CRB1: variants seen among roughly 807,000 people sequenced by gnomAD.
CRB1 encodes the protein protein crumbs homolog 1.
A neutral mutation model predicts 120.0 loss-of-function variants in CRB1; 83 were observed. That is an observed-to-expected ratio of 0.69 (90% confidence interval 0.58 to 0.83). The LOEUF is 0.83. CRB1 is among the 40% of genes least tolerant of loss of function. The probability of loss-of-function intolerance (pLI) is 0.00; values close to 1 mark genes in which losing one functional copy is unlikely to be tolerated. For missense variants in CRB1, 1,699 were observed against 1,687.6 expected (o/e 1.01, Z -0.12); for synonymous variants, 625 against 612.5 (o/e 1.02, Z -0.30).
chr1:197,355,376 A>G (rs936753769), intron 4 of CRB1, among the ~76,000 whole-genome samples: 17 of 152,202 alleles, frequency 1.1e-4, no homozygotes, highest in Non-Finnish European at 2.4e-4. Flanking sequence ...GCTGCCCGCC[A>G]GTCCCGCGCA....
At chr1:197,425,351 A>AAT (rs1309293904) in intron 6 of CRB1, among the ~76,000 whole-genome samples, 1 of 152,200 alleles carries the variant, frequency 6.6e-6, no homozygotes, top group Non-Finnish European at 1.5e-5. Flanking sequence ...GAGTTCTGAA[A>AAT]ATATAGCCTT....
chr1:197,392,569 T>C (rs1468268510), intron 5 of CRB1, among the ~76,000 whole-genome samples: 1 of 152,110 alleles, frequency 6.6e-6, no homozygotes, highest in East Asian at 1.9e-4. Flanking sequence ...AGCAATATTG[T>C]TCAATCTCAA....
chr1:197,258,865 G>T, the CRB1 span, among the ~76,000 whole-genome samples: 1 of 152,168 alleles, frequency 6.6e-6, no homozygotes, highest in Non-Finnish European at 1.5e-5. Flanking sequence ...AAACGTTTTA[G>T]AGAGCATCTG....
chr1:197,433,743 G>T (rs948019505), intron 8 of CRB1, among the ~76,000 whole-genome samples: 1 of 152,092 alleles, frequency 6.6e-6, no homozygotes, highest in Non-Finnish European at 1.5e-5. Flanking sequence ...GAAAGAAAAA[G>T]AATGCATAGA....
intron 1 of CRB1, among the ~76,000 whole-genome samples, chr1:197,314,536 T>G (rs974400687): frequency 6.6e-6 from 1 of 152,188 alleles, no homozygotes; most frequent in African/African-American, 2.4e-5. Flanking sequence ...TCTAATAATT[T>G]TTATTGTATA....
intron 5 of CRB1, among the ~76,000 whole-genome samples, chr1:197,414,351 G>A (rs938391192): frequency 6.6e-6 from 1 of 151,984 alleles, no homozygotes; most frequent in Non-Finnish European, 1.5e-5. Context: ...TCAGCAAAGT[G>A]AGAATTATGA....
At chr1:197,461,355 G>A (rs893823790) in intron 11 of CRB1, among the ~76,000 whole-genome samples, 16 of 152,042 alleles carry the variant, frequency 1.1e-4, no homozygotes, top group Admixed American at 5.9e-4. Flanking sequence ...AGGACAGGCC[G>A]TGGCTGGGGA....
At chr1:197,356,167 C>CA (rs1660469062) in intron 4 of CRB1, among the ~76,000 whole-genome samples, 1 of 152,120 alleles carries the variant, frequency 6.6e-6, no homozygotes, top group African/African-American at 2.4e-5. Context: ...AATACAGTTC[C>CA]AGTTATGTTA....
intron 1 of CRB1, among the ~76,000 whole-genome samples, chr1:197,319,944 A>G (rs1658094599): frequency 6.6e-6 from 1 of 152,184 alleles, no homozygotes. Context: ...ATCCCACAAA[A>G]TTAGCATCCT....
intron 1 of CRB1, among the ~76,000 whole-genome samples, chr1:197,282,896 TC>T (rs1218824513): frequency 6.6e-6 from 1 of 151,860 alleles, no homozygotes; most frequent in Non-Finnish European, 1.5e-5. Flanking sequence ...AAGTCCCCTC[TC>T]CTGGGTTCCC....
the CRB1 span, among the ~76,000 whole-genome samples, chr1:197,228,690 GT>G: frequency 6.6e-6 from 1 of 152,112 alleles, no homozygotes; most frequent in Non-Finnish European, 1.5e-5. Flanking sequence ...TGGCTTCCAG[GT>G]TTTTGGATAT....
At chr1:197,443,202 A>T (rs1571574726) in intron 11 of CRB1, 1 of 152,140 alleles carries the variant, frequency 6.6e-6, no homozygotes, top group Non-Finnish European at 1.5e-5. Context: ...GAAGCTATTC[A>T]AATGAATTGT....
chr1:197,355,911 A>AGAGT, intron 4 of CRB1, among the ~76,000 whole-genome samples: 1 of 152,248 alleles, frequency 6.6e-6, no homozygotes, highest in South Asian at 2.1e-4. Context: ...GGAGGCGCCC[A>AGAGT]GAGCGAGCGA....
chr1:197,453,836 AT>A (rs1343563557), intron 11 of CRB1, among the ~76,000 whole-genome samples: 5 of 142,610 alleles, frequency 3.5e-5, no homozygotes, highest in Non-Finnish European at 7.6e-5. Context: ...TTATTAATAT[AT>A]TATCAATATT....
At chr1:197,436,975 A>T (rs1468550082) in intron 9 of CRB1, among the ~76,000 whole-genome samples, 2 of 152,146 alleles carry the variant, frequency 1.3e-5, no homozygotes, top group East Asian at 3.8e-4. Flanking sequence ...CTCCATTTCA[A>T]GCTATATAAA....
Position 197,435,292 on chromosome 1 carries a change from C to G in CRB1, c.3429C>G (p.Cys1143Trp). Residue 1143 changes from cysteine (C) to tryptophan (W), a missense_variant, in exon 9 of 12, where the codon TGC becomes TGG. Transcript: ENST00000367400. Reference sequence around the variant, plus strand: ...CTGGCTGTTTGCAGTTAAATGTCTGCAACTCCAACCCCTGTTTGCATGGAG... The same window carrying G: ...CTGGCTGTTTGCAGTTAAATGTCTGGAACTCCAACCCCTGTTTGCATGGAG... ...VVTGCLQLNV[C>W]NSNPCLHGGN... The G allele has an allele frequency of 6.2e-7, 1 of 1,613,858 alleles. No individual in the cohort carries two copies. The highest frequency in any genetic ancestry group is 8.5e-7 in the Non-Finnish European group (1 of 1,179,840).
Position 197,331,720 on chromosome 1 carries a change from TTAA to T in CRB1, c.652+2719_652+2721del, listed in dbSNP as rs372065986. 2.9e-4 allele frequency among the ~76,000 whole-genome samples: 44 copies of T among 152,328 alleles called. No individual in the cohort carries two copies. The East Asian group carries it at 8.1e-3, about 28-fold the overall frequency. On this transcript the variant is annotated intron_variant, in intron 2 of 11. Transcript: ENST00000367400. ...TAAAAGGAATAGATATAAAATCAAA[TTAA>T]TGTTTCATTCATTTCAACTATAGTA...
intron 10 of CRB1, 41 bp from the exon 11 acceptor site, chr1:197,442,125 C>A: frequency 6.2e-7 from 1 of 1,613,776 alleles, no homozygotes; most frequent in Non-Finnish European, 8.5e-7. Context: ...CCAATGTATT[C>A]AACAGGGACC....
At chr1:197,253,386 C>T in the CRB1 span, among the ~76,000 whole-genome samples, 1 of 152,082 alleles carries the variant, frequency 6.6e-6, no homozygotes, top group African/African-American at 2.4e-5. Flanking sequence ...ATCACTTTTT[C>T]ATTCATGGTT....
Sources: gnomAD v4.1 joint callset for allele counts (sites outside exome capture counted in the v4.1 genomes callset) on GRCh38, gnomAD v4.1.1 for gene constraint, MANE v1.5 for transcripts, NCBI Gene and HGNC (gene_info 2026-07-23, HGNC 2026-07-21) for gene names.